HEATR5A: variants seen among roughly 807,000 people sequenced by gnomAD.
HEATR5A encodes HEAT repeat-containing protein 5A.
A neutral mutation model predicts 218.8 loss-of-function variants in HEATR5A; 178 were observed. That is an observed-to-expected ratio of 0.81 (90% CI 0.72 to 0.92). The LOEUF (loss-of-function observed/expected upper bound fraction) is 0.92. Among genes scored for constraint, HEATR5A ranks in the 40% least tolerant of loss-of-function variants. HEATR5A has a pLI of 0.00. For missense variants in HEATR5A, 2,420 were observed against 2,418.9 expected (o/e 1.00, Z -0.01); for synonymous variants, 864 against 871.6 (o/e 0.99, Z 0.15).
At chr14:31,352,316 G>A (rs2139219974) in intron 16 of HEATR5A, among the ~76,000 whole-genome samples, 1 of 152,234 alleles carries the variant, frequency 6.6e-6, no homozygotes, top group African/African-American at 2.4e-5. Flanking sequence ...GCATGTAGTA[G>A]GCAGTCAGGT....
At chr14:31,386,374 G>A (rs1381663905) in intron 9 of HEATR5A, 46 bp downstream of exon 9, 1 of 1,485,486 alleles carries the variant, frequency 6.7e-7, no homozygotes. Flanking sequence ...TTGGAACAAA[G>A]TTATCTAGTG....
chr14:31,307,827 A>G, intron 30 of HEATR5A, 66 bp downstream of exon 30: 1 of 1,549,172 alleles, frequency 6.5e-7, no homozygotes, highest in South Asian at 1.2e-5. Context: ...AACTATAGAA[A>G]CCTGAACATG....
In HEATR5A at chr14:31,364,307, A is replaced by G. The variant is rs565895902; in HGVS notation, c.1962-9T>C. ...TTAGTATTGAAGAAAGCCTTAAAAT[A>G]AAAGAAAAAGTGTATCTTAAGTGGT... On this transcript the variant is annotated splice_polypyrimidine_tract_variant and intron_variant, in intron 13 of 35. Coordinates refer to ENST00000543095, the MANE Select transcript of HEATR5A (RefSeq NM_015473.4). 6.5e-6 allele frequency: 9 copies of G among 1,381,944 alleles called. No individual in the cohort carries two copies. In the African/African-American group the frequency reaches 1.3e-4, roughly 20 times the overall value. 85.6% of individuals were successfully genotyped at this position (1,381,944 alleles called of 1,614,324 possible). A position where few individuals can be genotyped will look rare whatever the true frequency, so the allele number is the denominator to read the frequency against.
intron 14 of HEATR5A, among the ~76,000 whole-genome samples, chr14:31,360,977 C>T (rs1394122637): frequency 1.3e-5 from 2 of 152,026 alleles, no homozygotes; most frequent in African/African-American, 2.4e-5. Context: ...ATACTTAATA[C>T]GTGTTGGGAA....
At chr14:31,371,380 A>C (rs2139254437) in intron 13 of HEATR5A, among the ~76,000 whole-genome samples, 1 of 152,280 alleles carries the variant, frequency 6.6e-6, no homozygotes, top group East Asian at 1.9e-4. Flanking sequence ...TGTTTTATTA[A>C]TTTGGAAATT....
intron 14 of HEATR5A, among the ~76,000 whole-genome samples, chr14:31,360,839 CT>C (rs1220456765): frequency 7.2e-4 from 104 of 144,980 alleles, no homozygotes; most frequent in Admixed American, 9.0e-4. Context: ...TTGAAGCTTA[CT>C]TTTTTTTTTT....
At position 31,292,339 on chromosome 14, in the gene HEATR5A, G is replaced by A. The variant is rs1899053840; in HGVS notation, c.*966C>T. ...CAGAAAAATCCATTTGAAAAATAGT[G>A]GAAATGGCTTATTCTATTTAAAATG... is the stretch of plus-strand genomic sequence containing the variant. On this transcript the variant is annotated 3_prime_UTR_variant, in exon 36 of 36. Transcript: ENST00000543095. The A allele has an allele frequency of 6.6e-6, 1 of 152,074 alleles. No individual in the cohort carries two copies. 9.4% of individuals were successfully genotyped at this position (152,074 alleles called of 1,614,324 possible). A position where few individuals can be genotyped will look rare whatever the true frequency, so the allele number is the denominator to read the frequency against.
intron 18 of HEATR5A, 36 bp from the exon 19 acceptor site, chr14:31,347,943 T>C (rs1206485517): frequency 2.0e-5 from 26 of 1,316,524 alleles, no homozygotes; most frequent in Non-Finnish European, 2.5e-5. Context: ...CGGTAATCAC[T>C]GCAAAAGAAA....
chr14:31,368,540 C>A, intron 13 of HEATR5A, among the ~76,000 whole-genome samples: 1 of 151,100 alleles, frequency 6.6e-6, no homozygotes, highest in South Asian at 2.1e-4. Flanking sequence ...AGGAAGACTT[C>A]TTTTTTTTTG....
intron 9 of HEATR5A, among the ~76,000 whole-genome samples, chr14:31,385,068 AAC>A (rs1399077411): frequency 6.6e-6 from 1 of 152,214 alleles, no homozygotes; most frequent in Non-Finnish European, 1.5e-5. Context: ...ATAGCTTATA[AAC>A]ACAAATATAA....
At chr14:31,389,818 G>C (rs182749764) in intron 6 of HEATR5A, among the ~76,000 whole-genome samples, 8 of 152,236 alleles carry the variant, frequency 5.3e-5, no homozygotes, top group African/African-American at 1.9e-4. Context: ...CTTGGCATTT[G>C]GGGAAGAAAC....
At chr14:31,353,081 A>T (rs1402659524) in intron 16 of HEATR5A, among the ~76,000 whole-genome samples, 1 of 152,098 alleles carries the variant, frequency 6.6e-6, no homozygotes, top group Non-Finnish European at 1.5e-5. Flanking sequence ...AATAAATTTG[A>T]AAAACTCAGA....
intron 22 of HEATR5A, among the ~76,000 whole-genome samples, chr14:31,331,594 T>A (rs572269961): frequency 6.6e-6 from 1 of 152,302 alleles, no homozygotes; most frequent in African/African-American, 2.4e-5. Context: ...TTTATAGCAG[T>A]GCCCCACTCC....
At position 31,315,904 on chromosome 14, in the gene HEATR5A, C is replaced by T; in HGVS notation, c.4084G>A (p.Asp1362Asn). 6.3e-7 allele frequency: 1 copy of T among 1,580,136 alleles called. No individual in the cohort carries two copies. Among genetic ancestry groups the T allele is most frequent in the Non-Finnish European group, 8.6e-7 (1 of 1,162,180 alleles). ...AGCAACTGATGAACTCTTCGGAGAT[C>T]ATTAAGGTCACTTACAACTCCACTT... ...IASGVVSDLN[D>N]LRRVHQLLVS... Residue 1362 changes from aspartate (D) to asparagine (N), a missense_variant, in exon 27 of 36, where the codon GAT (aspartate) becomes AAT (asparagine). Asp to Asn is a conservative substitution (Grantham distance 23, BLOSUM62 1). Transcript: ENST00000543095.
chr14:31,394,409 G>A (rs1388151379), intron 5 of HEATR5A, among the ~76,000 whole-genome samples, 183 bp from the exon 6 acceptor site: 4 of 152,110 alleles, frequency 2.6e-5, no homozygotes, highest in Admixed American at 1.3e-4. Context: ...TTATAGAAGA[G>A]AATGAACCTA....
intron 22 of HEATR5A, among the ~76,000 whole-genome samples, chr14:31,328,785 C>G (rs1230042185): frequency 6.6e-6 from 1 of 151,720 alleles, no homozygotes; most frequent in Non-Finnish European, 1.5e-5. Flanking sequence ...GCAGCTGAGG[C>G]AGGAGAATCG....
At chr14:31,406,427 G>C (rs537285496) in intron 1 of HEATR5A, among the ~76,000 whole-genome samples, 1 of 152,318 alleles carries the variant, frequency 6.6e-6, no homozygotes, top group East Asian at 1.9e-4. Flanking sequence ...AGTCTAAGCA[G>C]TACTCTAAGT....
chr14:31,365,811 T>C (rs1170849924), intron 13 of HEATR5A, among the ~76,000 whole-genome samples: 1 of 151,644 alleles, frequency 6.6e-6, no homozygotes, highest in South Asian at 2.1e-4. Flanking sequence ...ACCACAGGTG[T>C]GGGCCATCAT....
chr14:31,359,069 C>T lies in HEATR5A; in HGVS notation c.2072-12G>A. On this transcript the variant is annotated splice_polypyrimidine_tract_variant and intron_variant, in intron 14 of 35. Coordinates refer to ENST00000543095, the MANE Select transcript of HEATR5A (RefSeq NM_015473.4). ...AGCACAGAGGTTTCCTGTTGAGTCA[C>T]AGAAAAAGAGCAATTAGTACTATTA... 1 of 1,591,638 alleles carries T rather than the reference C, an allele frequency of 6.3e-7. No individual in the cohort carries two copies. Among genetic ancestry groups the T allele is most frequent in the South Asian group, 1.2e-5 (1 of 85,830 alleles).
Sources: gnomAD v4.1 joint callset for allele counts (sites outside exome capture counted in the v4.1 genomes callset) on GRCh38, gnomAD v4.1.1 for gene constraint, MANE v1.5 for transcripts, NCBI Gene and HGNC (gene_info 2026-07-23, HGNC 2026-07-21) for gene names.